Variants in SEMA3D observed in about 807,000 individuals in gnomAD.
The protein encoded by SEMA3D is semaphorin 3D.
A neutral mutation model predicts 100.1 loss-of-function variants in SEMA3D; 84 were observed. The observed-to-expected ratio is 0.84, with a 90% CI of 0.70 to 1.01. The LOEUF (loss-of-function observed/expected upper bound fraction) is 1.01, where lower values mean the gene tolerates loss of function less well. Among genes scored for constraint, SEMA3D ranks in the 50% least tolerant of loss-of-function variants. SEMA3D has a pLI of 0.00. For missense variants in SEMA3D, 875 were observed against 934.1 expected (o/e 0.94, Z 0.82); for synonymous variants, 312 against 320.7 (o/e 0.97, Z 0.29).
At chr7:85,241,927 A>G in the SEMA3D span, among the ~76,000 whole-genome samples, 2 of 152,072 alleles carry the variant, frequency 1.3e-5, no homozygotes, top group East Asian at 1.9e-4. Flanking sequence ...AATGCCTGCC[A>G]GGATGTGGAG....
intron 3 of SEMA3D, among the ~76,000 whole-genome samples, chr7:85,098,705 T>C (rs1788649383): frequency 6.6e-6 from 1 of 151,866 alleles, no homozygotes; most frequent in African/African-American, 2.4e-5. Context: ...CTTTATAGTT[T>C]AGGGTTTAAT....
chr7:85,037,172 C>T, intron 11 of SEMA3D, 139 bp from the exon 12 acceptor site: 2 of 677,776 alleles, frequency 3.0e-6, no homozygotes, highest in Non-Finnish European at 2.4e-6. Context: ...ACACAATGTG[C>T]CTACGTCCTC....
intron 2 of SEMA3D, among the ~76,000 whole-genome samples, chr7:85,152,426 A>G (rs2116494213): frequency 6.6e-6 from 1 of 152,284 alleles, no homozygotes; most frequent in South Asian, 2.1e-4. Flanking sequence ...TAATCTGAGG[A>G]CAACACTATG....
chr7:85,188,524 T>C (rs1791623574), upstream of SEMA3D, among the ~76,000 whole-genome samples: 1 of 152,262 alleles, frequency 6.6e-6, no homozygotes, highest in Non-Finnish European at 1.5e-5. Context: ...TTTTCATTTG[T>C]ATATGTCATT....
chr7:85,071,481 G>A (rs975458238), intron 6 of SEMA3D, among the ~76,000 whole-genome samples: 2 of 152,122 alleles, frequency 1.3e-5, no homozygotes, highest in African/African-American at 2.4e-5. Context: ...AAAACACAGC[G>A]AATTATCCTG....
Position 85,068,190 on chromosome 7 carries a change from C to A in SEMA3D, c.589+1G>T. 6.4e-7 allele frequency: 1 copy of A among 1,560,594 alleles called. No individual in the cohort carries two copies. The highest frequency in any genetic ancestry group is 1.1e-5 in the South Asian group (1 of 89,968). ...TAAGAACTGCCTGTCATTGATCTTACCTGTCATTACTGAAGCAAAAGGCTG... is the reference window on the plus strand; with the variant it reads ...TAAGAACTGCCTGTCATTGATCTTAACTGTCATTACTGAAGCAAAAGGCTG... On this transcript the variant is annotated splice_donor_variant, in intron 7 of 18. Transcript: ENST00000284136. LOFTEE classifies it high-confidence loss of function.
the SEMA3D span, among the ~76,000 whole-genome samples, chr7:85,236,549 G>T: frequency 6.7e-6 from 1 of 150,040 alleles, no homozygotes; most frequent in Non-Finnish European, 1.5e-5. Context: ...TTCATGATCT[G>T]CCCACCTTGG....
intron 2 of SEMA3D, among the ~76,000 whole-genome samples, chr7:85,133,110 A>G (rs1304753504): frequency 6.6e-6 from 1 of 151,940 alleles, no homozygotes; most frequent in Non-Finnish European, 1.5e-5. Context: ...TGGTCTTCCT[A>G]TGTAGATATG....
chr7:85,036,932 C>G lies in SEMA3D; in HGVS notation c.1148G>C (p.Trp383Ser). The G allele has an allele frequency of 6.2e-7, 1 of 1,613,274 alleles. No homozygotes were observed. The highest frequency in any genetic ancestry group is 8.5e-7 in the Non-Finnish European group (1 of 1,179,402). Residue 383 changes from tryptophan (W) to serine (S), a missense_variant, in exon 12 of 19, where the codon TGG (tryptophan) becomes TCG (serine). Physicochemically the swap from Trp to Ser is radical, Grantham distance 177. Transcript: ENST00000284136. The stretch of plus-strand genomic sequence containing the variant: ...AGGAATTCTCCCATCATACTGCACC[C>G]AACGATGGTCTGCACTTTCCTTATG... ...YAHKESADHR[W>S]VQYDGRIPYP...
At chr7:85,194,786 G>C in the SEMA3D span, among the ~76,000 whole-genome samples, 1 of 152,084 alleles carries the variant, frequency 6.6e-6, no homozygotes, top group Non-Finnish European at 1.5e-5. Context: ...TATCATCAGG[G>C]TTAGTTTATT....
chr7:85,014,489 T>C (rs975696543), intron 16 of SEMA3D, among the ~76,000 whole-genome samples: 7 of 151,768 alleles, frequency 4.6e-5, no homozygotes, highest in African/African-American at 1.7e-4. Context: ...TGGCTCAAAA[T>C]AGCATTATTT....
intron 1 of SEMA3D, among the ~76,000 whole-genome samples, chr7:85,163,299 G>A (rs1016826465): frequency 2.6e-5 from 4 of 152,056 alleles, no homozygotes; most frequent in African/African-American, 9.7e-5. Flanking sequence ...AAAGGAGAAA[G>A]TAATATCACC....
the SEMA3D span, among the ~76,000 whole-genome samples, chr7:85,203,060 G>A: frequency 6.6e-6 from 1 of 152,188 alleles, no homozygotes; most frequent in East Asian, 1.9e-4. Flanking sequence ...AAAGCAGGTT[G>A]GAAGTAGATG....
At chr7:85,041,890 C>A (rs1308959271) in intron 10 of SEMA3D, 1 of 342,264 alleles carries the variant, frequency 2.9e-6, no homozygotes, top group Non-Finnish European at 5.3e-6. Flanking sequence ...AATGGATGAA[C>A]TGTGTAGTTC....
chr7:85,181,821 T>TAA, intron 1 of SEMA3D: 1 of 903,128 alleles, frequency 1.1e-6, no homozygotes, highest in Non-Finnish European at 1.3e-6. Flanking sequence ...TGATGGCTGT[T>TAA]AAAATTATGA....
At chr7:85,019,889 A>G (rs1790207529) in intron 14 of SEMA3D, among the ~76,000 whole-genome samples, 1 of 151,680 alleles carries the variant, frequency 6.6e-6, no homozygotes, top group African/African-American at 2.4e-5. Context: ...CAATTGGGGA[A>G]AAATTGAAAA....
At chr7:85,141,900 A>G in intron 2 of SEMA3D, 1 of 972,592 alleles carries the variant, frequency 1.0e-6, no homozygotes, top group Non-Finnish European at 1.2e-6. Context: ...GTAAATTTAG[A>G]TTTCTCAGTA....
intron 1 of SEMA3D, among the ~76,000 whole-genome samples, chr7:85,155,127 A>G (rs1273913644): frequency 6.6e-6 from 1 of 150,942 alleles, no homozygotes; most frequent in Non-Finnish European, 1.5e-5. Flanking sequence ...ACCCACACCT[A>G]GATTCTACAC....
At chr7:85,231,435 C>CTTTTTTTTTTTTTT in the SEMA3D span, among the ~76,000 whole-genome samples, 2 of 137,858 alleles carry the variant, frequency 1.5e-5, no homozygotes, top group Non-Finnish European at 1.5e-5. Flanking sequence ...CCAATCTTTC[C>CTTTTTTTTTTTTTT]CTTTTTTTTT....
Sources: gnomAD v4.1 joint callset for allele counts (sites outside exome capture counted in the v4.1 genomes callset) on GRCh38, gnomAD v4.1.1 for gene constraint, MANE v1.5 for transcripts, NCBI Gene and HGNC (gene_info 2026-07-23, HGNC 2026-07-21) for gene names.